Variants in CSMD3 observed in about 807,000 individuals in gnomAD.
The protein encoded by CSMD3 is CUB and sushi domain-containing protein 3.
Under a neutral mutation model 435.2 loss-of-function variants are expected in CSMD3, and 177 were observed. That is an observed-to-expected ratio of 0.41 (90% confidence interval 0.36 to 0.46). The LOEUF (loss-of-function observed/expected upper bound fraction) is 0.46. Among genes scored for constraint, CSMD3 ranks in the 20% least tolerant of loss-of-function variants. The pLI is 0.34. For synonymous variants in CSMD3, 1,656 were observed against 1,520.5 expected, an observed-to-expected ratio of 1.09 and a Z score of -2.07; for missense variants, 4,265 against 4,504.6, an observed-to-expected ratio of 0.95 and a Z score of 1.52.
intron 10 of CSMD3, among the ~76,000 whole-genome samples, chr8:112,886,767 A>T (rs1587580200): frequency 2.0e-5 from 3 of 151,628 alleles, no homozygotes; most frequent in African/African-American, 7.3e-5. Flanking sequence ...AAAATGTGGT[A>T]GTATTTACAT....
chr8:112,837,263 C>A (rs2080053566), intron 11 of CSMD3, among the ~76,000 whole-genome samples: 1 of 151,682 alleles, frequency 6.6e-6, no homozygotes, highest in South Asian at 2.1e-4. Context: ...AGAAAATACT[C>A]AATATTAGAC....
intron 12 of CSMD3, among the ~76,000 whole-genome samples, chr8:112,801,121 A>C: frequency 6.6e-6 from 1 of 152,056 alleles, no homozygotes; most frequent in East Asian, 1.9e-4. Flanking sequence ...ACAGAAAGAC[A>C]GGTTTCCAAA....
At chr8:112,809,029 T>C (rs2079158227) in intron 12 of CSMD3, among the ~76,000 whole-genome samples, 1 of 143,520 alleles carries the variant, frequency 7.0e-6, no homozygotes, top group Non-Finnish European at 1.6e-5. Context: ...CTGTTAGCAT[T>C]GTCAAAAATT....
At chr8:112,406,257 T>C (rs570495428) in intron 35 of CSMD3, among the ~76,000 whole-genome samples, 18 of 152,122 alleles carry the variant, frequency 1.2e-4, no homozygotes, top group African/African-American at 2.7e-4. Flanking sequence ...GAAATATATA[T>C]ATTTACTTAC....
chr8:113,234,194 T>A (rs957377198), intron 3 of CSMD3, among the ~76,000 whole-genome samples: 22 of 152,112 alleles, frequency 1.4e-4, no homozygotes, highest in Non-Finnish European at 2.5e-4. Flanking sequence ...TATCCACCCC[T>A]CATTTTCACA....
chr8:113,082,482 GA>G (rs1373080384), intron 5 of CSMD3, among the ~76,000 whole-genome samples: 1 of 151,590 alleles, frequency 6.6e-6, no homozygotes, highest in East Asian at 1.9e-4. Flanking sequence ...TAAATCTACA[GA>G]AAAAAAACTT....
At chr8:112,986,052 C>A (rs955047943) in intron 6 of CSMD3, among the ~76,000 whole-genome samples, 1 of 152,076 alleles carries the variant, frequency 6.6e-6, no homozygotes, top group Non-Finnish European at 1.5e-5. Flanking sequence ...TACTGGACTA[C>A]AAGCAAGACA....
chr8:113,215,001 T>C (rs1275046553), intron 3 of CSMD3, among the ~76,000 whole-genome samples: 1 of 151,850 alleles, frequency 6.6e-6, no homozygotes, highest in Non-Finnish European at 1.5e-5. Flanking sequence ...AAAACAATGA[T>C]AGTGTAAAGA....
intron 38 of CSMD3, among the ~76,000 whole-genome samples, chr8:112,368,176 T>C (rs1827969701): frequency 2.6e-5 from 4 of 152,156 alleles, no homozygotes; most frequent in Admixed American, 2.6e-4. Flanking sequence ...TAAATTCTTA[T>C]TTGCCAGAAG....
intron 37 of CSMD3, 116 bp downstream of exon 37, chr8:112,383,451 T>C (rs1009582066): frequency 1.5e-6 from 1 of 682,576 alleles, no homozygotes; most frequent in Non-Finnish European, 2.7e-6. Flanking sequence ...TATCTTTGTG[T>C]ATAGTTTGTA....
At position 113,436,660 on chromosome 8, in the gene CSMD3, C is replaced by G. The variant is rs371942675; in HGVS notation, c.178+17G>C. On this transcript the variant is annotated intron_variant, in intron 1 of 70. Transcript: ENST00000297405. ...CACCTCCATCCAAAGCGGAGGGGAC[C>G]CCCAAAGCAGACCTACCTTTCACAC... The G allele has an allele frequency of 1.9e-6, 3 of 1,613,798 alleles. No homozygotes were observed. In the African/African-American group the frequency reaches 4.0e-5, roughly 22 times the overall value.
At position 113,098,877 on chromosome 8, in the gene CSMD3, C is replaced by A. The variant is rs186445773; in HGVS notation, c.796G>T (p.Asp266Tyr). 6.2e-7 allele frequency: 1 copy of A among 1,611,262 alleles called. No homozygotes were observed. The highest frequency in any genetic ancestry group is 1.1e-5 in the South Asian group (1 of 91,022). Residue 266 changes from aspartate (D) to tyrosine (Y), a missense_variant, in exon 5 of 71, where the codon GAT becomes TAT. Asp to Tyr is a radical substitution (Grantham distance 160). Coordinates refer to ENST00000297405, the MANE Select transcript of CSMD3 (RefSeq NM_198123.2). ...TCTGCTACAATGGTCCAAGTGCAAT[C>A]AGCATTGTTATGGTACTCATTAGGA... ...SFPNEYHNNA[D>Y]CTWTIVAEPG...
intron 1 of CSMD3, among the ~76,000 whole-genome samples, chr8:113,337,698 G>C (rs1260924086): frequency 6.6e-6 from 1 of 151,980 alleles, no homozygotes; most frequent in Non-Finnish European, 1.5e-5. Flanking sequence ...GAAAGATCAG[G>C]AGTGAAGTTT....
chr8:113,338,292 G>A (rs999272809), intron 1 of CSMD3, among the ~76,000 whole-genome samples: 1 of 151,988 alleles, frequency 6.6e-6, no homozygotes, highest in African/African-American at 2.4e-5. Flanking sequence ...ATCTCAAAAT[G>A]TAAGATGGTG....
intron 5 of CSMD3, among the ~76,000 whole-genome samples, chr8:113,086,852 G>A (rs1166735962): frequency 6.6e-6 from 1 of 152,238 alleles, no homozygotes; most frequent in Non-Finnish European, 1.5e-5. Flanking sequence ...TATTGAGGAC[G>A]TTCATTTTCT....
At chr8:112,270,706 T>G (rs2130472288) in intron 59 of CSMD3, among the ~76,000 whole-genome samples, 1 of 152,252 alleles carries the variant, frequency 6.6e-6, no homozygotes, top group Middle Eastern at 3.4e-3. Context: ...TTAAAGGTTT[T>G]TGTAAGAAAA....
intron 4 of CSMD3, among the ~76,000 whole-genome samples, chr8:113,169,993 C>A (rs1183683539): frequency 6.6e-6 from 1 of 152,090 alleles, no homozygotes; most frequent in Non-Finnish European, 1.5e-5. Flanking sequence ...ACCTTTACAC[C>A]ATACCCTCTA....
intron 22 of CSMD3, among the ~76,000 whole-genome samples, chr8:112,635,132 A>T: frequency 6.6e-6 from 1 of 152,084 alleles, no homozygotes; most frequent in East Asian, 1.9e-4. Context: ...CTAAGTTGAC[A>T]GGCTGGAGAG....
chr8:112,387,463 T>TTGTGTG (rs1473042858), intron 36 of CSMD3, among the ~76,000 whole-genome samples: 1 of 87,218 alleles, frequency 1.1e-5, no homozygotes, highest in South Asian at 3.9e-4. Context: ...AAGTCATATA[T>TTGTGTG]TATGTGTGTG....
Sources: gnomAD v4.1 joint callset for allele counts (sites outside exome capture counted in the v4.1 genomes callset) on GRCh38, gnomAD v4.1.1 for gene constraint, MANE v1.5 for transcripts, NCBI Gene and HGNC (gene_info 2026-07-23, HGNC 2026-07-21) for gene names.